Variants in BEAN1 observed in about 807,000 individuals in gnomAD.
BEAN1 encodes brain expressed associated with NEDD4 1.
A neutral mutation model predicts 17.7 loss-of-function variants in BEAN1; 17 were observed. The ratio of observed to expected loss-of-function variants is 0.96; its 90% CI spans 0.66 to 1.44. The LOEUF is 1.44. BEAN1 is among the 40% of genes most tolerant of loss of function. The pLI, the probability that BEAN1 is intolerant of heterozygous loss-of-function variation, is 0.00. For synonymous variants in BEAN1, 142 were observed against 151.8 expected, an observed-to-expected ratio of 0.94 and a Z score of 0.47; for missense variants, 359 against 374.1, an observed-to-expected ratio of 0.96 and a Z score of 0.33.
At chr16:66,463,912 C>A (rs1187213988) in intron 2 of BEAN1, among the ~76,000 whole-genome samples, 1 of 152,176 alleles carries the variant, frequency 6.6e-6, no homozygotes, top group African/African-American at 2.4e-5. Context: ...TGTCTTGGCA[C>A]CCTTGCTGAA....
chr16:66,432,550 T>G (rs915506703), intron 1 of BEAN1, among the ~76,000 whole-genome samples: 6 of 152,254 alleles, frequency 3.9e-5, no homozygotes, highest in Admixed American at 1.3e-4. Context: ...TGACATGGCA[T>G]CATGCCTTCA....
intron 1 of BEAN1, among the ~76,000 whole-genome samples, chr16:66,430,605 T>C (rs1301623508): frequency 6.6e-6 from 1 of 152,252 alleles, no homozygotes; most frequent in Non-Finnish European, 1.5e-5. Flanking sequence ...CCACAGGCTA[T>C]AGAATTTTTA....
chr16:66,433,001 C>G lies in BEAN1; in HGVS notation c.-82-4594C>G, dbSNP rs1961863940. Among the ~76,000 whole-genome samples, 3 of 152,238 alleles carry G rather than the reference C, an allele frequency of 2.0e-5. No individual in the cohort carries two copies. In the South Asian group the frequency reaches 6.2e-4, roughly 32 times the overall value. On this transcript the variant is annotated intron_variant, in intron 1 of 4. Coordinates refer to ENST00000536005, the MANE Select transcript of BEAN1 (RefSeq NM_001178020.3). Reference sequence around the variant, plus strand: ...GCAGACTTCACCATTACCATTGCATCTCCAGTCCTAGTCAGAAAGGGACTG... The same window carrying G: ...GCAGACTTCACCATTACCATTGCATGTCCAGTCCTAGTCAGAAAGGGACTG...
intron 3 of BEAN1, among the ~76,000 whole-genome samples, chr16:66,472,799 C>A (rs2142441130): frequency 6.6e-6 from 1 of 152,076 alleles, no homozygotes; most frequent in South Asian, 2.1e-4. Flanking sequence ...GTGGGAGGAT[C>A]ACTTCAGACC....
intron 2 of BEAN1, among the ~76,000 whole-genome samples, chr16:66,467,605 A>G (rs1963302527): frequency 6.6e-6 from 1 of 152,234 alleles, no homozygotes; most frequent in Non-Finnish European, 1.5e-5. Flanking sequence ...ATGGGGACAC[A>G]GAGCCAAACT....
At chr16:66,489,928 T>C (rs1023453733) in intron 4 of BEAN1, among the ~76,000 whole-genome samples, 7 of 151,858 alleles carry the variant, frequency 4.6e-5, no homozygotes, top group Non-Finnish European at 1.0e-4. Context: ...GAGAACATTG[T>C]AGGGGGCAGG....
intron 3 of BEAN1, among the ~76,000 whole-genome samples, chr16:66,474,487 A>G (rs1414844600): frequency 6.7e-6 from 1 of 148,966 alleles, no homozygotes; most frequent in Non-Finnish European, 1.5e-5. Flanking sequence ...GTCTAGCCAG[A>G]CACAGAGAGG....
chr16:66,433,485 T>G (rs961253828), intron 1 of BEAN1, among the ~76,000 whole-genome samples: 4 of 152,164 alleles, frequency 2.6e-5, no homozygotes, highest in African/African-American at 9.7e-5. Context: ...TGCCTTTGTT[T>G]AGGCCCCATC....
At chr16:66,490,408 A>G (rs557079976) in intron 4 of BEAN1, among the ~76,000 whole-genome samples, 2 of 112,864 alleles carry the variant, frequency 1.8e-5, no homozygotes, top group African/African-American at 8.3e-5. Flanking sequence ...ATAAAATAAA[A>G]TAAAATAAAA....
At chr16:66,467,210 T>G (rs1330811496) in intron 2 of BEAN1, among the ~76,000 whole-genome samples, 1 of 152,188 alleles carries the variant, frequency 6.6e-6, no homozygotes, top group Non-Finnish European at 1.5e-5. Context: ...ATCAGGAGGT[T>G]TTCACAGGAC....
intron 1 of BEAN1, among the ~76,000 whole-genome samples, chr16:66,433,139 C>T (rs1961868973): frequency 6.6e-6 from 1 of 151,908 alleles, no homozygotes; most frequent in Non-Finnish European, 1.5e-5. Context: ...GATGGAGTCT[C>T]CCTCTGTTGC....
At chr16:66,441,126 T>G (rs1379034435) in intron 2 of BEAN1, among the ~76,000 whole-genome samples, 1 of 152,244 alleles carries the variant, frequency 6.6e-6, no homozygotes, top group East Asian at 1.9e-4. Context: ...CCATGCCTGC[T>G]GGGTTCCCAG....
chr16:66,492,468 C>T (rs1964188525), intron 4 of BEAN1, among the ~76,000 whole-genome samples: 1 of 151,958 alleles, frequency 6.6e-6, no homozygotes, highest in Non-Finnish European at 1.5e-5. Context: ...GAGATGGAGT[C>T]TCGCTGTGTG....
intron 4 of BEAN1, among the ~76,000 whole-genome samples, chr16:66,478,514 A>G (rs1308777839): frequency 1.3e-5 from 2 of 152,184 alleles, no homozygotes; most frequent in Admixed American, 1.3e-4. Flanking sequence ...AGGCAGGAGA[A>G]TCGCTTGAAC....
At chr16:66,478,341 C>T (rs1215649702) in intron 4 of BEAN1, among the ~76,000 whole-genome samples, 2 of 152,196 alleles carry the variant, frequency 1.3e-5, no homozygotes, top group Admixed American at 6.5e-5. Flanking sequence ...TGGGGGCTCA[C>T]GCCTGTAATC....
chr16:66,456,705 T>C (rs988173261), intron 2 of BEAN1, among the ~76,000 whole-genome samples: 2 of 152,218 alleles, frequency 1.3e-5, no homozygotes, highest in African/African-American at 4.8e-5. Context: ...GAAAAGTAAT[T>C]TGTGAAATTG....
At chr16:66,474,637 G>A (rs562975472) in intron 3 of BEAN1, among the ~76,000 whole-genome samples, 24 of 56,430 alleles carry the variant, frequency 4.3e-4, no homozygotes, top group Middle Eastern at 0.011. Context: ...AGGGAGGGAG[G>A]GAGGGAGGGA....
intron 2 of BEAN1, among the ~76,000 whole-genome samples, chr16:66,442,200 T>G (rs1962285086): frequency 6.6e-6 from 1 of 152,178 alleles, no homozygotes; most frequent in Non-Finnish European, 1.5e-5. Context: ...CCAGCCTGGC[T>G]CTTCAGGAAG....
chr16:66,449,274 C>T (rs958382829), intron 2 of BEAN1, among the ~76,000 whole-genome samples: 4 of 151,958 alleles, frequency 2.6e-5, no homozygotes, highest in African/African-American at 7.3e-5. Context: ...GACCTTGTCT[C>T]AAAAAAACAA....
Sources: allele counts gnomAD v4.1 joint callset (sites outside exome capture counted in the v4.1 genomes callset), GRCh38; gene constraint gnomAD v4.1.1; transcripts MANE v1.5; gene names NCBI Gene and HGNC (gene_info 2026-07-23, HGNC 2026-07-21).